FAF1: variants seen among roughly 807,000 people sequenced by gnomAD.
The protein encoded by FAF1 is Fas associated factor 1, also known as FAS-associated factor 1.
A neutral mutation model predicts 92.5 loss-of-function variants in FAF1; 25 were observed. The ratio of observed to expected loss-of-function variants is 0.27; its 90% CI spans 0.20 to 0.38. The LOEUF (loss-of-function observed/expected upper bound fraction) is 0.38. Ranked by LOEUF, FAF1 falls within the 10% of genes least tolerant of loss-of-function variation. The pLI, the probability that FAF1 is intolerant of heterozygous loss-of-function variation, is 1.00. For synonymous variants in FAF1, 234 were observed against 273.2 expected (o/e 0.86, Z 1.42); for missense variants, 636 against 793.3 (o/e 0.80, Z 2.38).
chr1:50,834,204 AC>A (rs1254163520), intron 2 of FAF1, among the ~76,000 whole-genome samples: 2 of 152,060 alleles, frequency 1.3e-5, no homozygotes, highest in African/African-American at 4.8e-5. Flanking sequence ...TTTTCCTTCC[AC>A]CATGACTGTA....
At chr1:50,574,677 A>C (rs1200158496) in intron 12 of FAF1, among the ~76,000 whole-genome samples, 1 of 152,174 alleles carries the variant, frequency 6.6e-6, no homozygotes, top group Non-Finnish European at 1.5e-5. Context: ...AAGGTGACAG[A>C]GTATAGCAGT....
chr1:50,533,811 A>G (rs1474553328), intron 15 of FAF1, among the ~76,000 whole-genome samples: 1 of 152,146 alleles, frequency 6.6e-6, no homozygotes, highest in Non-Finnish European at 1.5e-5. Flanking sequence ...ACAAATGCTA[A>G]TATTTGTTTC....
At chr1:50,947,826 T>G (rs1382004264) in intron 1 of FAF1, among the ~76,000 whole-genome samples, 1 of 152,222 alleles carries the variant, frequency 6.6e-6, no homozygotes, top group Admixed American at 6.5e-5. Context: ...TTATTCAAAA[T>G]CATGTCAATG....
chr1:50,861,998 G>GAA (rs1644438974), intron 1 of FAF1, among the ~76,000 whole-genome samples: 2 of 151,518 alleles, frequency 1.3e-5, no homozygotes, highest in South Asian at 4.2e-4. Flanking sequence ...ATTTTGTTAT[G>GAA]ATGGACAAAT....
intron 15 of FAF1, among the ~76,000 whole-genome samples, chr1:50,507,858 T>C (rs1050584547): frequency 6.6e-6 from 1 of 152,228 alleles, no homozygotes; most frequent in Non-Finnish European, 1.5e-5. Context: ...TTTTTGAAAA[T>C]TTCTCAGGTC....
intron 9 of FAF1, among the ~76,000 whole-genome samples, chr1:50,590,738 T>G (rs932455681): frequency 6.6e-6 from 1 of 152,114 alleles, no homozygotes; most frequent in Non-Finnish European, 1.5e-5. Flanking sequence ...TCCCAGCACT[T>G]TGGGAGGCTG....
At chr1:50,634,194 A>G (rs956302987) in intron 8 of FAF1, among the ~76,000 whole-genome samples, 13 of 152,002 alleles carry the variant, frequency 8.6e-5, no homozygotes, top group Non-Finnish European at 2.9e-5. Flanking sequence ...AATTTGTAAG[A>G]CTTTACAGCC....
At chr1:50,603,344 A>G (rs1652234716) in intron 8 of FAF1, among the ~76,000 whole-genome samples, 1 of 152,238 alleles carries the variant, frequency 6.6e-6, no homozygotes, top group African/African-American at 2.4e-5. Context: ...CCTGTCCAAG[A>G]TAAATCAGGT....
chr1:50,585,314 A>G (rs1414586633), intron 9 of FAF1, among the ~76,000 whole-genome samples: 1 of 152,196 alleles, frequency 6.6e-6, no homozygotes, highest in Non-Finnish European at 1.5e-5. Flanking sequence ...CATGAAATAC[A>G]CTACATATGA....
At chr1:50,815,757 C>T (rs2124611615) in intron 2 of FAF1, among the ~76,000 whole-genome samples, 1 of 152,220 alleles carries the variant, frequency 6.6e-6, no homozygotes, top group East Asian at 1.9e-4. Context: ...GGCACGGTGG[C>T]TCATGCCTGT....
chr1:50,942,476 A>G (rs1222040068), intron 1 of FAF1, among the ~76,000 whole-genome samples: 2 of 152,088 alleles, frequency 1.3e-5, no homozygotes, highest in Admixed American at 6.6e-5. Context: ...AGGGAGGGGA[A>G]AGGGAAGGGA....
At chr1:50,809,710 A>G (rs1360874515) in intron 2 of FAF1, among the ~76,000 whole-genome samples, 1 of 152,230 alleles carries the variant, frequency 6.6e-6, no homozygotes, top group Non-Finnish European at 1.5e-5. Flanking sequence ...ATCTGATACC[A>G]TTCTTAGTGA....
At chr1:50,871,555 C>T (rs537913373) in intron 1 of FAF1, among the ~76,000 whole-genome samples, 22 of 152,302 alleles carry the variant, frequency 1.4e-4, no homozygotes, top group African/African-American at 5.1e-4. Context: ...TCTGCCTGTG[C>T]TCTCTAAATG....
chr1:50,803,492 C>G (rs1415308358), intron 2 of FAF1, among the ~76,000 whole-genome samples: 1 of 152,174 alleles, frequency 6.6e-6, no homozygotes, highest in Non-Finnish European at 1.5e-5. Flanking sequence ...ACATTACATA[C>G]TCAGCCACAA....
chr1:50,754,375 C>A (rs1030348922), intron 4 of FAF1, among the ~76,000 whole-genome samples: 16 of 152,252 alleles, frequency 1.1e-4, no homozygotes, highest in African/African-American at 2.4e-4. Context: ...GAGGAAAGAT[C>A]CTTCTGAGTA....
At chr1:50,466,341 C>T (rs573900105) in intron 18 of FAF1, among the ~76,000 whole-genome samples, 1 of 152,190 alleles carries the variant, frequency 6.6e-6, no homozygotes, top group East Asian at 1.9e-4. Flanking sequence ...ATGGGAGGAG[C>T]AGGTTTTTAG....
intron 6 of FAF1, among the ~76,000 whole-genome samples, chr1:50,722,237 C>A (rs1447573509): frequency 2.6e-4 from 40 of 152,100 alleles, no homozygotes; most frequent in Admixed American, 2.6e-3. Context: ...CATAAATGAA[C>A]TAGATTGAAA....
At chr1:50,752,034 A>G (rs1303553182) in intron 4 of FAF1, among the ~76,000 whole-genome samples, 6 of 152,058 alleles carry the variant, frequency 3.9e-5, no homozygotes, top group Non-Finnish European at 8.8e-5. Context: ...CAGTGGCACT[A>G]TCTTGGCTCA....
At chr1:50,634,498 C>T (rs944089686) in intron 8 of FAF1, among the ~76,000 whole-genome samples, 1 of 152,096 alleles carries the variant, frequency 6.6e-6, no homozygotes, top group Admixed American at 6.5e-5. Context: ...ACACAAATGC[C>T]AGAGATTAAG....
Sources: allele counts gnomAD v4.1 joint callset (sites outside exome capture counted in the v4.1 genomes callset), GRCh38; gene constraint gnomAD v4.1.1; transcripts MANE v1.5; gene names NCBI Gene and HGNC (gene_info 2026-07-23, HGNC 2026-07-21).